EML1: variants seen among roughly 807,000 people sequenced by gnomAD.
The protein encoded by EML1 is echinoderm microtubule-associated protein-like 1.
Under a neutral mutation model 110.4 loss-of-function variants are expected in EML1, and 27 were observed. That is an observed-to-expected ratio of 0.24 (90% CI 0.18 to 0.34). The LOEUF (loss-of-function observed/expected upper bound fraction) is 0.34. Among genes scored for constraint, EML1 ranks in the 10% least tolerant of loss-of-function variants. EML1 has a pLI of 1.00. For missense variants in EML1, 741 were observed against 1,030.9 expected, an observed-to-expected ratio of 0.72 and a Z score of 3.85; for synonymous variants, 344 against 385.8, an observed-to-expected ratio of 0.89 and a Z score of 1.27.
intron 1 of EML1, among the ~76,000 whole-genome samples, chr14:99,749,947 G>A (rs1260343999): frequency 1.3e-5 from 2 of 152,246 alleles, no homozygotes; most frequent in Non-Finnish European, 2.9e-5. Context: ...CCTTGGACTT[G>A]CTGTGACCGG....
intron 1 of EML1, among the ~76,000 whole-genome samples, chr14:99,746,342 C>G (rs983792759): frequency 2.0e-5 from 3 of 152,136 alleles, no homozygotes; most frequent in Admixed American, 2.0e-4. Flanking sequence ...TATCAGGACC[C>G]AAGCCCAGCA....
upstream of EML1, chr14:99,793,239 C>T (rs2057700864): frequency 1.5e-5 from 11 of 722,892 alleles, no homozygotes; most frequent in South Asian, 3.7e-4. Flanking sequence ...ACGTCCCCCT[C>T]CCGGCCCGGG....
Position 99,786,903 on chromosome 14 carries a change from A to G in EML1, c.-27+12890A>G, listed in dbSNP as rs570980917. ...GGCTACTGTTGCAATGTTCCAGAGG[A>G]GACAGAAGCCAGAACCAGGACAGAG... On this transcript the variant is annotated intron_variant, in intron 1 of 22. Coordinates refer to the EML1 transcript ENST00000327921. Among the ~76,000 whole-genome samples, 11 of 152,344 alleles carry G rather than the reference A, an allele frequency of 7.2e-5. No homozygotes were observed. The South Asian group carries it at 2.3e-3, about 32-fold the overall frequency.
chr14:99,776,207 AC>A (rs1246090354), intron 1 of EML1, among the ~76,000 whole-genome samples: 1 of 152,152 alleles, frequency 6.6e-6, no homozygotes. Flanking sequence ...AAATATAAAA[AC>A]CTGTGAAATT....
At chr14:99,887,476 G>A (rs895011424) in intron 4 of EML1, among the ~76,000 whole-genome samples, 5 of 152,124 alleles carry the variant, frequency 3.3e-5, no homozygotes, top group African/African-American at 1.2e-4. Flanking sequence ...GGGATGAATG[G>A]AGCCTCATTC....
At chr14:99,774,586 G>T (rs1288933976) in intron 1 of EML1, among the ~76,000 whole-genome samples, 2 of 152,176 alleles carry the variant, frequency 1.3e-5, no homozygotes, top group East Asian at 1.9e-4. Context: ...CCCTGCTCTA[G>T]CCCTGGCCAC....
chr14:99,928,622 G>A (rs191053863), intron 17 of EML1, among the ~76,000 whole-genome samples: 1 of 152,268 alleles, frequency 6.6e-6, no homozygotes, highest in African/African-American at 2.4e-5. Context: ...TTGGAAACTG[G>A]AGTTTTGGTT....
rs753481337 is a variant in EML1, at chr14:99,897,151, G to T, written c.684G>T (p.Gly228=). ...TKRLKLEWVY[G]YRGRDCRNNL... ...TATCTTGACATCCACAAAGCTATGG[G>T]TACAGGGGTCGAGACTGCCGTAACA... The change falls in exon 7 of 22, where the codon GGG becomes GGT. Residue 228 remains glycine, a synonymous_variant. Transcript: ENST00000262233. 1.0e-5 allele frequency: 16 copies of T among 1,601,790 alleles called. No homozygotes were observed. The South Asian group carries it at 1.7e-4, about 17-fold the overall frequency.
chr14:99,926,015 G>A (rs1052277918), intron 17 of EML1, among the ~76,000 whole-genome samples: 5 of 152,194 alleles, frequency 3.3e-5, no homozygotes, highest in African/African-American at 1.2e-4. Flanking sequence ...TGCCAGGACC[G>A]CTGTGCTGGC....
At chr14:99,860,342 C>G (rs1382849981) in intron 2 of EML1, among the ~76,000 whole-genome samples, 3 of 152,130 alleles carry the variant, frequency 2.0e-5, no homozygotes, top group African/African-American at 7.2e-5. Context: ...AGCTAGGGAT[C>G]CATTTACCTT....
intron 1 of EML1, among the ~76,000 whole-genome samples, chr14:99,804,357 G>C (rs890711641): frequency 3.3e-5 from 5 of 152,170 alleles, no homozygotes; most frequent in Admixed American, 6.5e-5. Context: ...TTTAAAGAGT[G>C]CTCACCAAGC....
intron 5 of EML1, chr14:99,892,292 T>C: frequency 2.5e-6 from 2 of 798,114 alleles, no homozygotes; most frequent in Non-Finnish European, 3.0e-6. Context: ...GCTCTCCTTG[T>C]ATGAAAATGT....
chr14:99,765,613 A>AT (rs1461436155), intron 1 of EML1, among the ~76,000 whole-genome samples: 10 of 151,942 alleles, frequency 6.6e-5, no homozygotes, highest in Admixed American at 3.3e-4. Flanking sequence ...ATATATATAT[A>AT]TATTTTTTGA....
chr14:99,882,481 G>A (rs1015528463), intron 4 of EML1, among the ~76,000 whole-genome samples: 2 of 152,098 alleles, frequency 1.3e-5, no homozygotes, highest in African/African-American at 4.8e-5. Flanking sequence ...AGTTGATTTT[G>A]TTAGAATAAG....
At chr14:99,794,404 GA>G (rs548958055) in intron 1 of EML1, among the ~76,000 whole-genome samples, 43 of 148,400 alleles carry the variant, frequency 2.9e-4, no homozygotes, top group Middle Eastern at 3.4e-3. Flanking sequence ...TTGTTAATGG[GA>G]AAAAAAAATG....
chr14:99,818,385 A>G (rs941843462), intron 1 of EML1, among the ~76,000 whole-genome samples: 2 of 152,168 alleles, frequency 1.3e-5, no homozygotes, highest in African/African-American at 4.8e-5. Context: ...TATTTAGAAG[A>G]TATTTAATGT....
intron 2 of EML1, among the ~76,000 whole-genome samples, chr14:99,854,180 G>A (rs867729272): frequency 2.6e-5 from 4 of 152,144 alleles, no homozygotes; most frequent in South Asian, 2.1e-4. Flanking sequence ...TTCTGCTGCC[G>A]TAGCCGCTAG....
At chr14:99,809,676 T>A (rs1308001991) in intron 1 of EML1, 2 of 456,024 alleles carry the variant, frequency 4.4e-6, no homozygotes, top group African/African-American at 2.0e-5. Context: ...GAAACCCAGA[T>A]GTTTTTTGGT....
chr14:99,889,303 C>T (rs1007673347), intron 4 of EML1, among the ~76,000 whole-genome samples: 1 of 152,162 alleles, frequency 6.6e-6, no homozygotes, highest in Non-Finnish European at 1.5e-5. Context: ...CCACCACCCA[C>T]CAGGCACAGA....
Sources: gnomAD v4.1 joint callset for allele counts (sites outside exome capture counted in the v4.1 genomes callset) on GRCh38, gnomAD v4.1.1 for gene constraint, MANE v1.5 for transcripts, NCBI Gene and HGNC (gene_info 2026-07-23, HGNC 2026-07-21) for gene names.